Variants in TDRD12 observed in about 807,000 individuals in gnomAD.
TDRD12 encodes putative ATP-dependent RNA helicase TDRD12.
TDRD12 carries 158 observed loss-of-function variants against 133.5 expected under a neutral mutation model. That is an observed-to-expected ratio of 1.18 (90% CI 1.04 to 1.35). The LOEUF (loss-of-function observed/expected upper bound fraction) is 1.35, where lower values mean the gene tolerates loss of function less well. TDRD12 is among the 40% of genes most tolerant of loss of function. The pLI is 0.00. For missense variants in TDRD12, 1,443 were observed against 1,321.3 expected (o/e 1.09, Z -1.43); for synonymous variants, 460 against 477.9 (o/e 0.96, Z 0.49).
At chr19:32,814,992 T>C (rs1967126581) in intron 25 of TDRD12, among the ~76,000 whole-genome samples, 2 of 152,218 alleles carry the variant, frequency 1.3e-5, no homozygotes, top group African/African-American at 4.8e-5. Flanking sequence ...TGGATGAGGA[T>C]GTTTGGTTGC....
intron 11 of TDRD12, among the ~76,000 whole-genome samples, chr19:32,780,732 G>C (rs756229901): frequency 6.6e-6 from 1 of 151,704 alleles, no homozygotes; most frequent in African/African-American, 2.4e-5. Context: ...CTGCTTCTCT[G>C]TTTTCACATA....
At chr19:32,810,317 A>G in intron 23 of TDRD12, 40 bp downstream of exon 23, 1 of 1,440,068 alleles carries the variant, frequency 6.9e-7, no homozygotes, top group Non-Finnish European at 9.2e-7. Flanking sequence ...GTTTTGAAGC[A>G]TGAGGTAACT....
In TDRD12 at chr19:32,777,839, A is replaced by G. The variant is rs1568472410; in HGVS notation, c.1121+610A>G. 1.5e-3 allele frequency among the ~76,000 whole-genome samples: 22 copies of G among 14,406 alleles called. 1 individual carries two copies. The highest frequency in any genetic ancestry group is 4.5e-3 in the Admixed American group (4 of 890). 9.5% of individuals were successfully genotyped at this position (14,406 alleles called of 152,430 possible). ...TATATATATATATATATATATATAT[A>G]TATATATATATATATATATTTTTTT... On this transcript the variant is annotated intron_variant, in intron 11 of 27. Coordinates refer to ENST00000444215, the Ensembl canonical transcript of TDRD12.
At chr19:32,791,166 T>A in intron 13 of TDRD12, 98 bp downstream of exon 13, 3 of 1,257,440 alleles carry the variant, frequency 2.4e-6, no homozygotes, top group Non-Finnish European at 3.2e-6. Context: ...ATTGTATAAT[T>A]TCTTTGCTTT....
At chr19:32,826,097 GA>G, downstream of TDRD12, 2 of 1,535,682 alleles carry the variant, frequency 1.3e-6, no homozygotes, top group Non-Finnish European at 1.7e-6. Context: ...ATTTTGTGCA[GA>G]AACTTTATCT....
intron 3 of TDRD12, among the ~76,000 whole-genome samples, chr19:32,741,206 C>T (rs878908877): frequency 3.3e-5 from 5 of 152,184 alleles, no homozygotes; most frequent in Admixed American, 1.3e-4. Context: ...CTCAGTCTCC[C>T]GAGTAGTTGG....
chr19:32,801,835 GGAA>G (rs1387622185), exon 19 of TDRD12: 31 of 1,454,226 alleles, frequency 2.1e-5, no homozygotes, highest in Admixed American at 6.3e-5. Context: ...TTAGAACAGT[GGAA>G]GAAGAAGTTA....
chr19:32,777,919 C>G (rs970618586), intron 11 of TDRD12, among the ~76,000 whole-genome samples: 3 of 123,934 alleles, frequency 2.4e-5, no homozygotes, highest in Non-Finnish European at 3.2e-5. Flanking sequence ...CTATGTTACC[C>G]AGGCTGGTCT....
intron 25 of TDRD12, among the ~76,000 whole-genome samples, chr19:32,815,147 G>T (rs1477843342): frequency 9.2e-6 from 1 of 108,830 alleles, no homozygotes; most frequent in Non-Finnish European, 2.0e-5. Flanking sequence ...TCTGACTAGG[G>T]GTTTATCCCA....
chr19:32,829,534 G>A (rs188728329), downstream of TDRD12: 1 of 152,372 alleles, frequency 6.6e-6, no homozygotes, highest in East Asian at 1.9e-4. Context: ...TGGTATGGAT[G>A]TCTTCCGCAG....
Position 32,801,736 on chromosome 19 carries a change from C to T in TDRD12, c.2080-20C>T. The T allele has an allele frequency of 1.9e-6, 2 of 1,032,166 alleles. No homozygotes were observed. The highest frequency in any genetic ancestry group is 2.8e-6 in the Non-Finnish European group (2 of 717,538). 63.9% of individuals were successfully genotyped at this position (1,032,166 alleles called of 1,614,324 possible). On this transcript the variant is annotated intron_variant, in intron 18 of 27. Coordinates refer to ENST00000444215, the Ensembl canonical transcript of TDRD12. ...CCTATATCCCTGACTGTGACCTGGC[C>T]TCTTTGATTTCATCTTTAGGTAGTA... is the stretch of plus-strand genomic sequence containing the variant.
At chr19:32,745,740 AT>A (rs1969586534) in intron 4 of TDRD12, among the ~76,000 whole-genome samples, 1 of 139,050 alleles carries the variant, frequency 7.2e-6, no homozygotes, top group Non-Finnish European at 1.5e-5. Context: ...AGACTGGCTG[AT>A]GTGGTTATTC....
chr19:32,769,988 G>A (rs986093998), intron 8 of TDRD12, among the ~76,000 whole-genome samples: 2 of 132,166 alleles, frequency 1.5e-5, no homozygotes, highest in African/African-American at 6.2e-5. Context: ...CATTTTGTGG[G>A]TATGTGTTCT....
intron 16 of TDRD12, among the ~76,000 whole-genome samples, chr19:32,799,195 C>A (rs1411483145): frequency 6.6e-6 from 1 of 151,640 alleles, no homozygotes; most frequent in African/African-American, 2.4e-5. Context: ...AATGATGGCC[C>A]CAGTTTTGAG....
intron 16 of TDRD12, among the ~76,000 whole-genome samples, chr19:32,799,728 CTT>C (rs71176153): frequency 1.3e-5 from 1 of 78,432 alleles, no homozygotes; most frequent in Non-Finnish European, 2.3e-5. Context: ...TAGTTTTTGC[CTT>C]TTTTTTTTTT....
At chr19:32,720,733 A>C (rs1599812777) in intron 1 of TDRD12, among the ~76,000 whole-genome samples, 2 of 26,932 alleles carry the variant, frequency 7.4e-5, no homozygotes, top group South Asian at 2.2e-3. Context: ...CACACACCCC[A>C]CCACCACCCC....
intron 24 of TDRD12, among the ~76,000 whole-genome samples, chr19:32,812,068 G>A (rs1463797552): frequency 6.6e-6 from 1 of 152,176 alleles, no homozygotes; most frequent in African/African-American, 2.4e-5. Flanking sequence ...GGGTAACTAG[G>A]GTGTCACCAA....
intron 27 of TDRD12, among the ~76,000 whole-genome samples, chr19:32,820,669 AG>A (rs1486941178): frequency 1.3e-5 from 2 of 152,172 alleles, no homozygotes; most frequent in Non-Finnish European, 2.9e-5. Context: ...AACTGGTAAC[AG>A]GGGTGGTCTT....
intron 21 of TDRD12, among the ~76,000 whole-genome samples, chr19:32,806,399 A>G (rs1279080395): frequency 1.4e-5 from 2 of 146,568 alleles, no homozygotes; most frequent in East Asian, 2.1e-4. Context: ...CTAGAGTGCA[A>G]TGGCGTGATC....
Sources: gnomAD v4.1 joint callset for allele counts (sites outside exome capture counted in the v4.1 genomes callset) on GRCh38, gnomAD v4.1.1 for gene constraint, MANE v1.5 for transcripts, NCBI Gene and HGNC (gene_info 2026-07-23, HGNC 2026-07-21) for gene names.